SOX5: variants seen among roughly 807,000 people sequenced by gnomAD.
The protein encoded by SOX5 is SRY-box transcription factor 5, also known as transcription factor SOX-5.
Under a neutral mutation model 92.0 loss-of-function variants are expected in SOX5, and 9 were observed. That is an observed-to-expected ratio of 0.10 (90% CI 0.06 to 0.17). SOX5 has a LOEUF of 0.17. SOX5 is among the 10% of genes least tolerant of loss of function. The pLI is 1.00. For missense variants in SOX5, 642 were observed against 944.5 expected (o/e 0.68, Z 4.20); for synonymous variants, 344 against 336.3 (o/e 1.02, Z -0.25).
At chr12:23,662,992 G>A (rs576345762) in intron 7 of SOX5, among the ~76,000 whole-genome samples, 1 of 152,170 alleles carries the variant, frequency 6.6e-6, no homozygotes, top group Admixed American at 6.6e-5. Context: ...CAACCTTGAG[G>A]GGAATAAATC....
At chr12:24,093,740 C>G (rs189731393) in intron 4 of SOX5, among the ~76,000 whole-genome samples, 1 of 147,242 alleles carries the variant, frequency 6.8e-6, no homozygotes, top group African/African-American at 2.5e-5. Context: ...CGGTCTTGTA[C>G]AAGTCCCGGG....
chr12:24,556,043 C>T (rs1350363613), intron 1 of SOX5, among the ~76,000 whole-genome samples: 1 of 152,196 alleles, frequency 6.6e-6, no homozygotes, highest in Non-Finnish European at 1.5e-5. Flanking sequence ...TCTTATTTGC[C>T]TAGCCAAACC....
rs577485867 is a variant in SOX5 at position 24,031,480 on chromosome 12, T to C, written c.-1-135456A>G. Among the ~76,000 whole-genome samples the C allele has an allele frequency of 2.6e-5, 4 of 151,796 alleles. No individual in the cohort carries two copies. In the East Asian group the frequency reaches 7.7e-4, roughly 29 times the overall value. ...AATTTACATGTGAAATCTCAAAAAC[T>C]TGATCTGACAGAAGTAGAAAGTAGA... On this transcript the variant is annotated intron_variant, in intron 4 of 4. Coordinates refer to the SOX5 transcript ENST00000446891.
At chr12:24,061,744 GAA>G (rs59840985) in intron 4 of SOX5, among the ~76,000 whole-genome samples, 1 of 81,104 alleles carries the variant, frequency 1.2e-5, no homozygotes. Context: ...CAATATGACA[GAA>G]AAAAAAAAAA....
At position 24,347,498 on chromosome 12, in the gene SOX5, A is replaced by C. The variant is rs74489770; in HGVS notation, c.-174+21065T>G. Among the ~76,000 whole-genome samples, 894 of 152,060 alleles carry C rather than the reference A, an allele frequency of 5.9e-3. 8 individuals carry two copies. Among genetic ancestry groups the C allele is most frequent in the African/African-American group, 0.02 (848 of 41,480 alleles). On this transcript the variant is annotated intron_variant, in intron 2 of 4. Coordinates refer to the SOX5 transcript ENST00000446891. ...TCTACTCTCTAAGCAATTTTCAAGC[A>C]AAAAAAATTCTCATTAACTATAATC...
intron 3 of SOX5, among the ~76,000 whole-genome samples, chr12:23,771,527 A>G (rs1353582188): frequency 6.6e-6 from 1 of 152,158 alleles, no homozygotes; most frequent in Non-Finnish European, 1.5e-5. Context: ...CAATTATACA[A>G]CCGCTGACTG....
intron 11 of SOX5, among the ~76,000 whole-genome samples, chr12:23,562,875 C>T (rs1385093420): frequency 6.6e-6 from 1 of 152,200 alleles, no homozygotes; most frequent in African/African-American, 2.4e-5. Context: ...GCATGGATAT[C>T]ATCCAAGCTT....
chr12:23,584,730 AGTGTGTGTGTGT>A (rs34653390), intron 9 of SOX5: 1 of 563,664 alleles, frequency 1.8e-6, no homozygotes, highest in African/African-American at 1.9e-5. Flanking sequence ...GACAGGTGTG[AGTGTGTGTGTGT>A]GTGTGTATGT....
At chr12:24,210,161 T>G (rs1958451773) in intron 4 of SOX5, among the ~76,000 whole-genome samples, 1 of 152,098 alleles carries the variant, frequency 6.6e-6, no homozygotes, top group Non-Finnish European at 1.5e-5. Context: ...CCTTATTTTC[T>G]CATTTTGTAT....
chr12:24,068,727 T>TATATATATATATAC (rs1941264338), intron 4 of SOX5, among the ~76,000 whole-genome samples: 1 of 113,700 alleles, frequency 8.8e-6, no homozygotes, highest in African/African-American at 3.7e-5. Flanking sequence ...TATATATATA[T>TATATATATATATAC]ATATATATAT....
chr12:23,584,490 C>T, intron 9 of SOX5: 1 of 1,216,654 alleles, frequency 8.2e-7, no homozygotes, highest in South Asian at 1.2e-5. Flanking sequence ...ATGCATAAGT[C>T]ATTTATTACG....
chr12:24,285,390 T>A (rs1168210365), intron 2 of SOX5, among the ~76,000 whole-genome samples: 1 of 152,140 alleles, frequency 6.6e-6, no homozygotes. Context: ...CATATAATAT[T>A]CATGTTTTCA....
At chr12:24,447,601 G>T (rs1703272223) in intron 1 of SOX5, among the ~76,000 whole-genome samples, 1 of 152,194 alleles carries the variant, frequency 6.6e-6, no homozygotes, top group South Asian at 2.1e-4. Flanking sequence ...TTGTGCATTT[G>T]TTGTGCCAAA....
At chr12:23,885,064 T>G (rs1453579557) in intron 2 of SOX5, among the ~76,000 whole-genome samples, 1 of 152,160 alleles carries the variant, frequency 6.6e-6, no homozygotes, top group East Asian at 1.9e-4. Context: ...CCAGCTCCCA[T>G]GTCCCTAGCG....
intron 8 of SOX5, among the ~76,000 whole-genome samples, chr12:23,624,673 G>C (rs537005643): frequency 6.6e-6 from 1 of 152,318 alleles, no homozygotes; most frequent in South Asian, 2.1e-4. Context: ...GAGGAGATTG[G>C]AGAATTGCTT....
chr12:24,350,164 T>C (rs1953889475), intron 2 of SOX5, among the ~76,000 whole-genome samples: 1 of 152,226 alleles, frequency 6.6e-6, no homozygotes, highest in Non-Finnish European at 1.5e-5. Context: ...CATTGAGCAC[T>C]GACTATTGAA....
intron 8 of SOX5, among the ~76,000 whole-genome samples, chr12:23,628,699 A>G (rs187230889): frequency 6.6e-6 from 1 of 152,136 alleles, no homozygotes; most frequent in African/African-American, 2.4e-5. Flanking sequence ...ACTAGAGTTC[A>G]TCCCTCCCTT....
At chr12:23,543,693 G>A (rs865973376) in intron 12 of SOX5, among the ~76,000 whole-genome samples, 1 of 152,196 alleles carries the variant, frequency 6.6e-6, no homozygotes. Context: ...AATTCGGAAA[G>A]AGGATAGTCA....
chr12:24,371,851 G>A (rs1167408232), intron 1 of SOX5, among the ~76,000 whole-genome samples: 1 of 152,096 alleles, frequency 6.6e-6, no homozygotes, highest in East Asian at 1.9e-4. Context: ...AGTCAGGCAT[G>A]GTGGCACACA....
Sources: allele counts gnomAD v4.1 joint callset (sites outside exome capture counted in the v4.1 genomes callset), GRCh38; gene constraint gnomAD v4.1.1; transcripts MANE v1.5; gene names NCBI Gene and HGNC (gene_info 2026-07-23, HGNC 2026-07-21).